KPNA1: variants seen among roughly 807,000 people sequenced by gnomAD.
KPNA1 encodes the protein importin subunit alpha-5.
A neutral mutation model predicts 70.5 loss-of-function variants in KPNA1; 10 were observed. The ratio of observed to expected loss-of-function variants is 0.14; its 90% CI spans 0.09 to 0.24. The LOEUF is 0.24. Ranked by LOEUF, KPNA1 falls within the 10% of genes least tolerant of loss-of-function variation. The pLI is 1.00. For synonymous variants in KPNA1, 192 were observed against 221.9 expected, an observed-to-expected ratio of 0.87 and a Z score of 1.20; for missense variants, 397 against 637.9, an observed-to-expected ratio of 0.62 and a Z score of 4.07.
chr3:122,502,394 A>G (rs536342154), intron 1 of KPNA1, among the ~76,000 whole-genome samples: 3 of 152,344 alleles, frequency 2.0e-5, no homozygotes, highest in Admixed American at 6.5e-5. Flanking sequence ...TGGTGTCGTT[A>G]TAACAGAATG....
intron 2 of KPNA1, among the ~76,000 whole-genome samples, chr3:122,495,336 C>A (rs1272076668): frequency 2.0e-5 from 3 of 149,400 alleles, no homozygotes; most frequent in Non-Finnish European, 4.5e-5. Context: ...GAAAAGGATC[C>A]ATTTTCAGTT....
chr3:122,469,349 C>T (rs756344033), intron 2 of KPNA1, among the ~76,000 whole-genome samples: 17 of 152,226 alleles, frequency 1.1e-4, no homozygotes, highest in Middle Eastern at 6.8e-3. Context: ...AGGGTAATCA[C>T]CTCAGCACCT....
At position 122,442,048 on chromosome 3, in the gene KPNA1, A is replaced by G. The variant is rs902688762; in HGVS notation, c.986T>C (p.Ile329Thr). The change falls in exon 10 of 14, where the codon ATT becomes ACT. Residue 329 changes from isoleucine to threonine, a missense_variant. Ile to Thr is a moderately conservative substitution (Grantham distance 89). Coordinates refer to ENST00000344337, the MANE Select transcript of KPNA1 (RefSeq NM_002264.4). ...AVGNIVTGDD[I>T]QTQVILNCSA... is the part of the protein sequence containing the mutation. ...ACCACTTCTTCATACCTGTGTCTGA[A>G]TATCATCCCCTGTGACAATGTTTCC... 4 of 1,613,044 alleles carry G rather than the reference A, an allele frequency of 2.5e-6. No individual in the cohort carries two copies. The highest frequency in any genetic ancestry group is 1.7e-4 in the Middle Eastern group (1 of 6,060).
chr3:122,432,334 G>A (rs2075922020), intron 12 of KPNA1: 1 of 152,154 alleles, frequency 6.6e-6, no homozygotes. Context: ...TGCCCATGAT[G>A]AACTTCACCA....
At position 122,464,829 on chromosome 3, in the gene KPNA1, T is replaced by C. The variant is rs191725191; in HGVS notation, c.238-788A>G. Among the ~76,000 whole-genome samples the C allele has an allele frequency of 3.9e-4, 59 of 152,294 alleles. No homozygotes were observed. The East Asian group carries it at 7.9e-3, about 20-fold the overall frequency. On this transcript the variant is annotated intron_variant, in intron 3 of 13. Transcript: ENST00000344337. ...GAAGGGTAGCAGTCAACAAGATGAA[T>C]TGTGAAGAAAGCTGCACTAAGCTGT...
At chr3:122,496,292 T>C (rs1323533162) in intron 2 of KPNA1, 145 bp downstream of exon 2, 6 of 587,214 alleles carry the variant, frequency 1.0e-5, no homozygotes, top group Non-Finnish European at 1.7e-5. Flanking sequence ...TCCAAAAAAG[T>C]GTTGATTTTA....
intron 5 of KPNA1, among the ~76,000 whole-genome samples, chr3:122,458,698 G>T (rs1560032002): frequency 6.6e-6 from 1 of 152,162 alleles, no homozygotes; most frequent in Non-Finnish European, 1.5e-5. Flanking sequence ...GCTTACATCT[G>T]TCTGCTCTCC....
At chr3:122,460,803 G>C (rs1404351157) in intron 5 of KPNA1, 2 of 321,564 alleles carry the variant, frequency 6.2e-6, no homozygotes, top group African/African-American at 4.5e-5. Flanking sequence ...GTGGGGTGGA[G>C]GAAGAATTAA....
intron 6 of KPNA1, 89 bp downstream of exon 6, chr3:122,453,781 T>A (rs943665616): frequency 3.1e-6 from 4 of 1,283,612 alleles, no homozygotes; most frequent in Admixed American, 4.8e-5. Flanking sequence ...CCACCCACCT[T>A]GGCCTCCCAA....
At chr3:122,482,527 TA>T (rs1364659505) in intron 2 of KPNA1, among the ~76,000 whole-genome samples, 1 of 151,994 alleles carries the variant, frequency 6.6e-6, no homozygotes, top group East Asian at 1.9e-4. Flanking sequence ...GTTAAAGAAA[TA>T]AAAGTCATCC....
At position 122,430,415 on chromosome 3, in the gene KPNA1, T is replaced by C. The variant is rs866521515; in HGVS notation, c.1251-2699A>G. 4.6e-5 allele frequency among the ~76,000 whole-genome samples: 7 copies of C among 152,276 alleles called. No individual in the cohort carries two copies. The South Asian group carries it at 1.2e-3, about 27-fold the overall frequency. ...CAACTGATTTATATTAATTAGCCTA[T>C]GATAAAATTGGTTTTGATATATACA... On this transcript the variant is annotated intron_variant, in intron 12 of 13. Transcript: ENST00000344337.
intron 12 of KPNA1, among the ~76,000 whole-genome samples, chr3:122,431,107 T>C (rs116386144): frequency 2.3e-3 from 354 of 152,372 alleles, no homozygotes; most frequent in Non-Finnish European, 4.3e-3. Flanking sequence ...ATGTGTTATA[T>C]ATGTATTAAC....
chr3:122,497,206 G>C (rs2076773739), intron 1 of KPNA1, among the ~76,000 whole-genome samples: 1 of 152,082 alleles, frequency 6.6e-6, no homozygotes, highest in Non-Finnish European at 1.5e-5. Flanking sequence ...TTTGTGACTG[G>C]CTTCTTTCAC....
At chr3:122,509,351 T>G (rs2076930004) in intron 1 of KPNA1, among the ~76,000 whole-genome samples, 1 of 152,126 alleles carries the variant, frequency 6.6e-6, no homozygotes, top group African/African-American at 2.4e-5. Context: ...TCCCACTCTA[T>G]GCCCAAGGAA....
chr3:122,493,028 T>C (rs1349604981), intron 2 of KPNA1, among the ~76,000 whole-genome samples: 1 of 152,090 alleles, frequency 6.6e-6, no homozygotes, highest in Admixed American at 6.6e-5. Flanking sequence ...TACCTCAGAG[T>C]TTGGTTGAGA....
intron 6 of KPNA1, among the ~76,000 whole-genome samples, chr3:122,453,615 T>C (rs9818362): frequency 0.51 from 77,351 of 151,866 alleles, 20,176 homozygotes; most frequent in East Asian, 0.64. Flanking sequence ...CGGCTCACTG[T>C]AACCTCCACC....
chr3:122,485,134 A>T (rs1232824247), intron 2 of KPNA1, among the ~76,000 whole-genome samples: 3 of 152,040 alleles, frequency 2.0e-5, no homozygotes, highest in Non-Finnish European at 4.4e-5. Flanking sequence ...GGCTGGTCTC[A>T]AACTCCTGTG....
chr3:122,490,611 C>T (rs114433626), intron 2 of KPNA1, among the ~76,000 whole-genome samples: 1,630 of 152,212 alleles, frequency 0.011, 28 homozygotes, highest in Non-Finnish European at 0.011. Flanking sequence ...CAGAAAACTT[C>T]TTTGCTTTAT....
At chr3:122,463,516 TAA>T (rs532512930) in intron 4 of KPNA1, among the ~76,000 whole-genome samples, 24 of 137,104 alleles carry the variant, frequency 1.8e-4, no homozygotes, top group Admixed American at 2.2e-4. Context: ...GAGCCGTCTT[TAA>T]AAAAAAAAAA....
Sources: gnomAD v4.1 joint callset for allele counts (sites outside exome capture counted in the v4.1 genomes callset) on GRCh38, gnomAD v4.1.1 for gene constraint, MANE v1.5 for transcripts, NCBI Gene and HGNC (gene_info 2026-07-23, HGNC 2026-07-21) for gene names.